Variants in SYT1 observed in about 807,000 individuals in gnomAD.
SYT1 encodes the protein synaptotagmin 1.
A neutral mutation model predicts 44.8 loss-of-function variants in SYT1; 8 were observed. The ratio of observed to expected loss-of-function variants is 0.18; its 90% CI spans 0.10 to 0.32. The LOEUF is 0.32. SYT1 is among the 10% of genes least tolerant of loss of function. SYT1 has a pLI of 1.00. For synonymous variants in SYT1, 154 were observed against 188.8 expected, an observed-to-expected ratio of 0.82 and a Z score of 1.51; for missense variants, 286 against 509.3, an observed-to-expected ratio of 0.56 and a Z score of 4.22.
chr12:79,299,331 T>A, intron 7 of SYT1, 53 bp from the exon 8 acceptor site: 6 of 1,568,374 alleles, frequency 3.8e-6, no homozygotes, highest in Non-Finnish European at 5.2e-6. Flanking sequence ...ACAAGTAACA[T>A]GTTTTAAGCA....
chr12:78,959,328 TA>T (rs1015064034), intron 1 of SYT1, among the ~76,000 whole-genome samples: 261 of 152,312 alleles, frequency 1.7e-3, no homozygotes, highest in African/African-American at 5.7e-3. Flanking sequence ...TGTATGTTCA[TA>T]AATATATTTA....
intron 10 of SYT1, among the ~76,000 whole-genome samples, chr12:79,446,425 G>A (rs567549040): frequency 6.6e-6 from 1 of 152,164 alleles, no homozygotes; most frequent in East Asian, 1.9e-4. Context: ...CATCCATGCT[G>A]TCCAATAATA....
intron 8 of SYT1, among the ~76,000 whole-genome samples, chr12:79,347,043 T>G (rs1223177334): frequency 8.8e-6 from 1 of 113,774 alleles, no homozygotes; most frequent in East Asian, 2.5e-4. Flanking sequence ...TGTTTTTTCT[T>G]TTTTTTTTTT....
At chr12:79,187,985 A>G (rs2138437541) in intron 3 of SYT1, among the ~76,000 whole-genome samples, 1 of 152,276 alleles carries the variant, frequency 6.6e-6, no homozygotes, top group Middle Eastern at 3.4e-3. Flanking sequence ...TCACTGAACT[A>G]TCAAGACTTG....
intron 3 of SYT1, among the ~76,000 whole-genome samples, chr12:79,054,142 G>C (rs572632679): frequency 6.6e-6 from 1 of 152,134 alleles, no homozygotes; most frequent in Non-Finnish European, 1.5e-5. Context: ...AGCTTACTTA[G>C]TATGCAGCAG....
In SYT1 at chr12:79,450,608, C is replaced by G. The variant is rs549552658; in HGVS notation, c.*1484C>G. 4 of 152,706 alleles carry G rather than the reference C, an allele frequency of 2.6e-5. No individual in the cohort carries two copies. The South Asian group carries it at 6.2e-4, about 24-fold the overall frequency. The allele number at this position is 152,706 out of a possible 1,614,324, so 9.5% of individuals were successfully genotyped here. A position where few individuals can be genotyped will look rare whatever the true frequency, so the allele number is the denominator to read the frequency against. On this transcript the variant is annotated 3_prime_UTR_variant, in exon 11 of 11. Coordinates refer to ENST00000261205, the MANE Select transcript of SYT1 (RefSeq NM_005639.3). ...TGTGACTGCCGTGTGTGCTTAGACC[C>G]GTAGTTTCCTCAGTGGATAGCACTC... is the stretch of plus-strand genomic sequence containing the variant.
chr12:79,147,597 A>G (rs113167426), intron 3 of SYT1, among the ~76,000 whole-genome samples: 41 of 152,340 alleles, frequency 2.7e-4, no homozygotes, highest in African/African-American at 9.9e-4. Context: ...TCTTAAACTC[A>G]AAAGTTTGAT....
intron 3 of SYT1, among the ~76,000 whole-genome samples, chr12:79,100,113 A>G (rs1286095159): frequency 1.3e-5 from 2 of 152,162 alleles, no homozygotes; most frequent in African/African-American, 4.8e-5. Flanking sequence ...TTAAATAATA[A>G]TAACGAACAT....
At chr12:79,131,276 G>A (rs1868801788) in intron 3 of SYT1, among the ~76,000 whole-genome samples, 1 of 151,986 alleles carries the variant, frequency 6.6e-6, no homozygotes, top group African/African-American at 2.4e-5. Flanking sequence ...AATCTATAAA[G>A]TTTTTTTAGA....
chr12:79,179,494 T>TATATAGATATAGATATAGAG (rs1872339649), intron 3 of SYT1, among the ~76,000 whole-genome samples: 3 of 108,456 alleles, frequency 2.8e-5, no homozygotes, highest in African/African-American at 1.1e-4. Flanking sequence ...TAGATATATC[T>TATATAGATATAGATATAGAG]ATATAGATAT....
chr12:79,132,332 C>T (rs556309021), intron 3 of SYT1, among the ~76,000 whole-genome samples: 2 of 151,926 alleles, frequency 1.3e-5, no homozygotes, highest in South Asian at 2.1e-4. Context: ...GCCTGTCGTC[C>T]CAGCTACTCA....
At chr12:79,097,653 C>A (rs529330486) in intron 3 of SYT1, among the ~76,000 whole-genome samples, 3 of 152,070 alleles carry the variant, frequency 2.0e-5, no homozygotes, top group African/African-American at 4.8e-5. Context: ...TCAAATGAGG[C>A]CTTACCCAGC....
At chr12:79,161,274 T>G (rs1265543624) in intron 3 of SYT1, among the ~76,000 whole-genome samples, 2 of 152,078 alleles carry the variant, frequency 1.3e-5, no homozygotes, top group African/African-American at 4.8e-5. Flanking sequence ...GTATTTTTAC[T>G]TTACCTTTTC....
At chr12:79,004,210 G>T (rs1252263896) in intron 2 of SYT1, among the ~76,000 whole-genome samples, 1 of 151,920 alleles carries the variant, frequency 6.6e-6, no homozygotes, top group Non-Finnish European at 1.5e-5. Flanking sequence ...TAAAGGTAAT[G>T]TACTTGGGCA....
intron 2 of SYT1, among the ~76,000 whole-genome samples, chr12:79,003,534 T>A (rs1046154386): frequency 1.3e-5 from 2 of 151,884 alleles, no homozygotes; most frequent in Non-Finnish European, 2.9e-5. Flanking sequence ...TTAGAAAAAA[T>A]TTAGAGATAT....
Position 79,057,183 on chromosome 12 carries a change from A to G in SYT1, c.-18+9821A>G, listed in dbSNP as rs191776906. On this transcript the variant is annotated intron_variant, in intron 3 of 10. Coordinates refer to ENST00000261205, the MANE Select transcript of SYT1 (RefSeq NM_005639.3). ...TATTTCTTTTCTATTCTGAAAGATGAAAAATCTGGTTCAGCATATGCTCCA... is the reference window on the plus strand; with the variant it reads ...TATTTCTTTTCTATTCTGAAAGATGGAAAATCTGGTTCAGCATATGCTCCA... Among the ~76,000 whole-genome samples the G allele has an allele frequency of 2.1e-3, 314 of 152,176 alleles. 14 individuals are homozygous for G. Among genetic ancestry groups the G allele is most frequent in the Admixed American group, 0.02 (312 of 15,244 alleles).
chr12:78,891,239 A>C (rs1268786651), intron 1 of SYT1, among the ~76,000 whole-genome samples: 3 of 151,878 alleles, frequency 2.0e-5, no homozygotes, highest in Non-Finnish European at 4.4e-5. Flanking sequence ...ATGGTGTACA[A>C]AGCACTTTTA....
chr12:79,257,330 T>C (rs1467573805), intron 4 of SYT1, among the ~76,000 whole-genome samples: 1 of 152,226 alleles, frequency 6.6e-6, no homozygotes, highest in Non-Finnish European at 1.5e-5. Context: ...AAATGATATG[T>C]TTGTCGCACA....
At chr12:79,170,668 T>G (rs1201498253) in intron 3 of SYT1, among the ~76,000 whole-genome samples, 1 of 152,118 alleles carries the variant, frequency 6.6e-6, no homozygotes, top group Non-Finnish European at 1.5e-5. Flanking sequence ...ACTCTGTTGA[T>G]AGTTTCTTTT....
Sources: allele counts gnomAD v4.1 joint callset (sites outside exome capture counted in the v4.1 genomes callset), GRCh38; gene constraint gnomAD v4.1.1; transcripts MANE v1.5; gene names NCBI Gene and HGNC (gene_info 2026-07-23, HGNC 2026-07-21).